The following BOLL variants were observed in gnomAD, a reference collection of about 807,000 sequenced individuals.
BOLL encodes the protein protein boule-like.
BOLL carries 23 observed loss-of-function variants against 44.4 expected under a neutral mutation model. The observed-to-expected ratio is 0.52, with a 90% CI of 0.37 to 0.73. The LOEUF (loss-of-function observed/expected upper bound fraction) is 0.73. Ranked by LOEUF, BOLL falls within the 30% of genes least tolerant of loss-of-function variation. The probability of loss-of-function intolerance (pLI) is 0.00; values close to 1 mark genes in which losing one functional copy is unlikely to be tolerated. For synonymous variants in BOLL, 97 were observed against 110.8 expected, an observed-to-expected ratio of 0.88 and a Z score of 0.78; for missense variants, 287 against 338.3, an observed-to-expected ratio of 0.85 and a Z score of 1.19.
At chr2:197,776,532 A>T (rs1384215461) in intron 4 of BOLL, among the ~76,000 whole-genome samples, 1 of 151,970 alleles carries the variant, frequency 6.6e-6, no homozygotes, top group Non-Finnish European at 1.5e-5. Flanking sequence ...TGTTCCTAGC[A>T]ATGTTAGAGA....
rs1421397036 is a variant in BOLL at position 197,759,341 on chromosome 2, G to T, written c.553-1941C>A. Among the ~76,000 whole-genome samples, 6 of 152,244 alleles carry T rather than the reference G, an allele frequency of 3.9e-5. 1 individual carries two copies. Among genetic ancestry groups the T allele is most frequent in the African/African-American group, 1.4e-4 (6 of 41,532 alleles). On this transcript the variant is annotated intron_variant, in intron 7 of 10. Transcript: ENST00000392296. ...ATCCCCACCAGCCTGCATTGCTACT[G>T]CAAACAGCCACACTCCTTGCAACAG...
chr2:197,754,986 G>T (rs1414008235), intron 9 of BOLL, among the ~76,000 whole-genome samples: 3 of 152,078 alleles, frequency 2.0e-5, no homozygotes, highest in Non-Finnish European at 2.9e-5. Flanking sequence ...GAAAATTTTT[G>T]CAATCTATCC....
intron 10 of BOLL, among the ~76,000 whole-genome samples, chr2:197,737,470 C>CTT (rs535554295): frequency 1.1e-3 from 173 of 152,122 alleles, no homozygotes; most frequent in Non-Finnish European, 6.0e-4. Flanking sequence ...GAGTAAAAAA[C>CTT]TTATTCTAGA....
intron 5 of BOLL, chr2:197,774,843 G>A (rs2106382074): frequency 6.6e-6 from 1 of 151,896 alleles, no homozygotes; most frequent in East Asian, 1.9e-4. Context: ...TGTTGTAGTT[G>A]TGGCAACTGT....
intron 6 of BOLL, among the ~76,000 whole-genome samples, chr2:197,769,146 G>GGATTGCCTCAATTTCAGAGC (rs1689121528): frequency 6.6e-6 from 1 of 151,940 alleles, no homozygotes; most frequent in South Asian, 2.1e-4. Flanking sequence ...TCTCTGCCAG[G>GGATTGCCTCAATTTCAGAGC]CTTTGGTATC....
chr2:197,752,113 A>C (rs1029980575), intron 9 of BOLL, among the ~76,000 whole-genome samples: 2 of 152,226 alleles, frequency 1.3e-5, no homozygotes, highest in East Asian at 3.8e-4. Flanking sequence ...TTTCATGCTA[A>C]AAACACTTAA....
At chr2:197,739,241 G>T (rs573582876) in intron 10 of BOLL, among the ~76,000 whole-genome samples, 41 of 152,138 alleles carry the variant, frequency 2.7e-4, no homozygotes, top group African/African-American at 9.4e-4. Context: ...TCTAACAAAA[G>T]AGGAATTGGT....
chr2:197,729,522 A>G (rs1389120869), intron 10 of BOLL, among the ~76,000 whole-genome samples: 1 of 152,176 alleles, frequency 6.6e-6, no homozygotes, highest in Non-Finnish European at 1.5e-5. Context: ...GGGCACAGAC[A>G]AACAAAAAGA....
intron 10 of BOLL, among the ~76,000 whole-genome samples, chr2:197,731,721 A>G (rs1308495754): frequency 3.3e-5 from 5 of 152,172 alleles, no homozygotes; most frequent in Non-Finnish European, 5.9e-5. Context: ...ACTACTGGGT[A>G]CATAACAAAA....
intron 5 of BOLL, among the ~76,000 whole-genome samples, chr2:197,772,515 C>T (rs547478446): frequency 2.0e-5 from 3 of 152,046 alleles, no homozygotes; most frequent in African/African-American, 7.2e-5. Context: ...TACCAGCAAA[C>T]ATTCGTTCAT....
In BOLL at chr2:197,776,618, TA is replaced by T. The variant is rs548189332; in HGVS notation, c.276+440del. On this transcript the variant is annotated intron_variant, in intron 4 of 10. Transcript: ENST00000392296. ...TACAATTCAAATTCTACTTTTTTTC[TA>T]AAAAAGTTAAATGTTATATTTGCCT... 5.2e-3 allele frequency among the ~76,000 whole-genome samples: 786 copies of T among 152,052 alleles called. 5 individuals are homozygous for T. Among genetic ancestry groups the T allele is most frequent in the African/African-American group, 0.018 (755 of 41,542 alleles).
intron 7 of BOLL, among the ~76,000 whole-genome samples, chr2:197,764,000 C>T (rs1466334506): frequency 1.3e-5 from 2 of 152,122 alleles, no homozygotes; most frequent in South Asian, 2.1e-4. Context: ...GTATTATCTA[C>T]CCCAGTTAGG....
At chr2:197,780,863 T>C (rs911771636) in intron 2 of BOLL, among the ~76,000 whole-genome samples, 2 of 152,036 alleles carry the variant, frequency 1.3e-5, no homozygotes, top group African/African-American at 4.8e-5. Flanking sequence ...TATATATCCA[T>C]TTGAAAGTAA....
rs1298397049 is a variant in BOLL at position 197,741,821 on chromosome 2, T to A, written c.828+1240A>T. ...GCCAAAATTGACAAATGGGATCTAA[T>A]TAAACTAAAGAGCTTCTGCACAGCA... is the stretch of plus-strand genomic sequence containing the variant. On this transcript the variant is annotated intron_variant, in intron 10 of 10. Coordinates refer to ENST00000392296, the MANE Select transcript of BOLL (RefSeq NM_033030.6). Among the ~76,000 whole-genome samples the A allele has an allele frequency of 2.6e-5, 4 of 152,046 alleles. No individual in the cohort carries two copies. The East Asian group carries it at 7.7e-4, about 29-fold the overall frequency.
chr2:197,779,060 C>T lies in BOLL; in HGVS notation c.136G>A (p.Glu46Lys), dbSNP rs778462794. The T allele has an allele frequency of 2.6e-5, 41 of 1,606,288 alleles. 1 individual carries two copies. The highest frequency in any genetic ancestry group is 3.4e-5 in the Admixed American group (2 of 59,592). ...GAAAAAAATTTTCTTAAATCACTTT[C>T]GTTTGTCTAATGGCATAAAAAGAAA... Reference protein sequence around the residue: ...FVGGIDFKTNESDLRKFFSQY... With the variant: ...FVGGIDFKTNKSDLRKFFSQY... The change falls in exon 3 of 11, where the codon GAA (glutamate) becomes AAA (lysine). Residue 46 changes from glutamate (E) to lysine (K), a missense_variant. Physicochemically the swap from Glu to Lys is moderately conservative, Grantham distance 56. Transcript: ENST00000392296.
intron 10 of BOLL, among the ~76,000 whole-genome samples, chr2:197,732,019 G>T (rs1174547971): frequency 6.7e-6 from 1 of 150,076 alleles, no homozygotes; most frequent in Non-Finnish European, 1.5e-5. Flanking sequence ...ATGAATCCAG[G>T]AGCTGGTTTT....
rs368659245 is a variant in BOLL, at chr2:197,743,079, C to T, written c.810G>A (p.Met270Ile). 2,284 of 1,597,132 alleles carry T rather than the reference C, an allele frequency of 1.4e-3. 48 individuals are homozygous for T. The South Asian group carries it at 0.025, about 17-fold the overall frequency. Residue 270 changes from methionine to isoleucine, a missense_variant, in exon 10 of 11, where the codon ATG (methionine) becomes ATA (isoleucine). Transcript: ENST00000392296. ...PSAITMPAPV[M>I]QPEPIKTVWS... ...TTCTTACTTTAATTGGCTCAGGCTG[C>T]ATCACAGGCGCAGGCATAGTGATGG...
chr2:197,729,284 T>C (rs1394229527), intron 10 of BOLL, among the ~76,000 whole-genome samples: 1 of 152,144 alleles, frequency 6.6e-6, no homozygotes, highest in Non-Finnish European at 1.5e-5. Context: ...CACCACGAGA[T>C]TATATCTCGC....
At chr2:197,732,343 A>G (rs1364435756) in intron 10 of BOLL, among the ~76,000 whole-genome samples, 32 of 152,330 alleles carry the variant, frequency 2.1e-4, no homozygotes, top group African/African-American at 7.5e-4. Context: ...AAAAGAGTCC[A>G]GGACCAGATG....
Sources: allele counts gnomAD v4.1 joint callset (sites outside exome capture counted in the v4.1 genomes callset), GRCh38; gene constraint gnomAD v4.1.1; transcripts MANE v1.5; gene names NCBI Gene and HGNC (gene_info 2026-07-23, HGNC 2026-07-21).